SEMA3E: variants seen among roughly 807,000 people sequenced by gnomAD.
The protein encoded by SEMA3E is semaphorin-3E.
In SEMA3E, 49 loss-of-function variants were observed where a neutral mutation model predicts 93.6. That is an observed-to-expected ratio of 0.52 (90% CI 0.42 to 0.66). The LOEUF is 0.66. Ranked by LOEUF, SEMA3E falls within the 30% of genes least tolerant of loss-of-function variation. SEMA3E has a pLI of 0.00. For missense variants in SEMA3E, 906 were observed against 964.8 expected (o/e 0.94, Z 0.81); for synonymous variants, 363 against 330.7 (o/e 1.10, Z -1.06).
chr7:83,400,222 T>A lies in SEMA3E; in HGVS notation c.1172A>T (p.Tyr391Phe), dbSNP rs753965043. Residue 391 changes from tyrosine to phenylalanine, a missense_variant, in exon 11 of 17, where the codon TAC (tyrosine) becomes TTC (phenylalanine). Tyr to Phe is a conservative substitution (Grantham distance 22). Coordinates refer to ENST00000643230, the MANE Select transcript of SEMA3E (RefSeq NM_012431.3). ...ATCAGGATAGTCCTTGGTGGTTCCG[T>A]ATCTCCCTCCATTTACTTTGCTGGC... ...SCASKVNGGR[Y>F]GTTKDYPDDA... 47 of 1,613,852 alleles carry A rather than the reference T, an allele frequency of 2.9e-5. No homozygotes were observed. In the Admixed American group the frequency reaches 7.7e-4, roughly 26 times the overall value.
chr7:83,518,759 G>A (rs187104113), intron 1 of SEMA3E, among the ~76,000 whole-genome samples: 94 of 152,052 alleles, frequency 6.2e-4, no homozygotes, highest in Middle Eastern at 3.4e-3. Flanking sequence ...AGCACCTATC[G>A]GACCAGAGTC....
At chr7:83,633,515 G>A (rs989150183) in intron 1 of SEMA3E, among the ~76,000 whole-genome samples, 11 of 152,238 alleles carry the variant, frequency 7.2e-5, no homozygotes, top group Admixed American at 3.9e-4. Context: ...TAAGAGAGTC[G>A]CAGCCAGACG....
At chr7:83,608,265 A>G (rs1793169562) in intron 1 of SEMA3E, among the ~76,000 whole-genome samples, 1 of 152,092 alleles carries the variant, frequency 6.6e-6, no homozygotes, top group African/African-American at 2.4e-5. Flanking sequence ...AATGAAAAGA[A>G]AGGGAGCAAG....
At chr7:83,590,676 T>C (rs1330945343) in intron 1 of SEMA3E, among the ~76,000 whole-genome samples, 3 of 152,144 alleles carry the variant, frequency 2.0e-5, no homozygotes, top group Non-Finnish European at 4.4e-5. Flanking sequence ...AAAGAAACAG[T>C]CTTCCATTTC....
chr7:83,418,445 T>G lies in SEMA3E; in HGVS notation c.495A>C (p.Arg165Ser). Residue 165 changes from arginine (R) to serine (S), a missense_variant, in exon 5 of 17, where the codon AGA (arginine) becomes AGC (serine). Transcript: ENST00000643230. ...GGTCAAAAGGACATCTGCCCCTTCC[T>G]CTCTCAGATCTGGGTGATTCCAGGT... Reference protein sequence around the residue: ...LFHLESPRSERGRGRCPFDPS... With the variant: ...LFHLESPRSESGRGRCPFDPS... The G allele has an allele frequency of 6.2e-7, 1 of 1,611,848 alleles. No individual in the cohort carries two copies. Among genetic ancestry groups the G allele is most frequent in the Non-Finnish European group, 8.5e-7 (1 of 1,178,926 alleles).
chr7:83,419,094 T>C (rs1006974100), intron 4 of SEMA3E, among the ~76,000 whole-genome samples: 26 of 137,834 alleles, frequency 1.9e-4, no homozygotes, highest in African/African-American at 6.5e-4. Flanking sequence ...TTGCCATCTT[T>C]ATGTCTGCAT....
chr7:83,375,957 C>T (rs1351019932), intron 16 of SEMA3E, among the ~76,000 whole-genome samples: 1 of 151,744 alleles, frequency 6.6e-6, no homozygotes, highest in African/African-American at 2.4e-5. Flanking sequence ...TATTGTGCAA[C>T]TAAAAAATGA....
intron 1 of SEMA3E, among the ~76,000 whole-genome samples, chr7:83,551,004 G>GA (rs1396065032): frequency 6.6e-6 from 1 of 151,956 alleles, no homozygotes; most frequent in East Asian, 1.9e-4. Context: ...CATCAGATTG[G>GA]AAAAAAATTA....
At chr7:83,474,383 C>A (rs1789967146) in intron 2 of SEMA3E, among the ~76,000 whole-genome samples, 2 of 152,054 alleles carry the variant, frequency 1.3e-5, no homozygotes, top group South Asian at 4.1e-4. Flanking sequence ...AATATTACTT[C>A]GATGTTGTTA....
intron 1 of SEMA3E, among the ~76,000 whole-genome samples, chr7:83,573,227 G>A (rs1342807502): frequency 6.6e-6 from 1 of 151,964 alleles, no homozygotes; most frequent in South Asian, 2.1e-4. Context: ...ATTAAAAATA[G>A]ATAAAATACA....
Position 83,368,008 on chromosome 7 carries a change from C to T in SEMA3E, c.1906G>A (p.Asp636Asn). The change falls in exon 17 of 17, where the codon GAC (aspartate) becomes AAC (asparagine). Residue 636 changes from aspartate (D) to asparagine (N), a missense_variant. Asp to Asn is a conservative substitution (Grantham distance 23, BLOSUM62 1). Coordinates refer to ENST00000643230, the MANE Select transcript of SEMA3E (RefSeq NM_012431.3). Reference sequence around the variant, plus strand: ...AACCTTAGGAAGAGTAAACCAAGGTCCATCTTAACCACTCTGTCATCTGTC... The same window carrying T: ...AACCTTAGGAAGAGTAAACCAAGGTTCATCTTAACCACTCTGTCATCTGTC... ...VKTDDRVVKM[D>N]LGLLFLRLHK... 3.1e-6 allele frequency: 5 copies of T among 1,613,972 alleles called. No individual in the cohort carries two copies. The highest frequency in any genetic ancestry group is 4.2e-6 in the Non-Finnish European group (5 of 1,179,964).
intron 1 of SEMA3E, among the ~76,000 whole-genome samples, chr7:83,588,683 C>T (rs1397536560): frequency 6.6e-6 from 1 of 152,144 alleles, no homozygotes; most frequent in Non-Finnish European, 1.5e-5. Flanking sequence ...TCCTACTCAC[C>T]TTAAAATGAT....
chr7:83,426,051 A>T (rs1408346817), intron 4 of SEMA3E, among the ~76,000 whole-genome samples: 1 of 152,216 alleles, frequency 6.6e-6, no homozygotes, highest in Non-Finnish European at 1.5e-5. Flanking sequence ...CAGAATGGCT[A>T]TTATTAAAAA....
At chr7:83,635,726 A>G (rs1778397896) in intron 1 of SEMA3E, among the ~76,000 whole-genome samples, 1 of 151,924 alleles carries the variant, frequency 6.6e-6, no homozygotes, top group African/African-American at 2.4e-5. Context: ...TGGGTTGAGA[A>G]AGTCAAATAG....
At chr7:83,538,590 T>A (rs550299578) in intron 1 of SEMA3E, among the ~76,000 whole-genome samples, 65 of 152,298 alleles carry the variant, frequency 4.3e-4, no homozygotes, top group African/African-American at 1.5e-3. Context: ...AATTGTTAAA[T>A]CATTATTTTT....
At chr7:83,605,159 G>T (rs1209354441) in intron 1 of SEMA3E, among the ~76,000 whole-genome samples, 4 of 152,164 alleles carry the variant, frequency 2.6e-5, no homozygotes, top group African/African-American at 7.2e-5. Context: ...TAATGGGATT[G>T]ATGGGTCAAA....
At chr7:83,465,849 A>T (rs1789744611) in intron 4 of SEMA3E, among the ~76,000 whole-genome samples, 1 of 152,192 alleles carries the variant, frequency 6.6e-6, no homozygotes, top group African/African-American at 2.4e-5. Flanking sequence ...AATAGGTTAT[A>T]TGACTGATCT....
intron 4 of SEMA3E, among the ~76,000 whole-genome samples, chr7:83,463,176 C>G (rs1244841212): frequency 3.7e-5 from 1 of 26,890 alleles, no homozygotes; most frequent in East Asian, 0.02. Flanking sequence ...TTCTACAAAA[C>G]AACAACTCCT....
At chr7:83,602,638 C>CA (rs1275286000) in intron 1 of SEMA3E, among the ~76,000 whole-genome samples, 1 of 152,090 alleles carries the variant, frequency 6.6e-6, no homozygotes, top group Non-Finnish European at 1.5e-5. Context: ...CCATCACACC[C>CA]AGCTAATTAT....
Sources: gnomAD v4.1 joint callset for allele counts (sites outside exome capture counted in the v4.1 genomes callset) on GRCh38, gnomAD v4.1.1 for gene constraint, MANE v1.5 for transcripts, NCBI Gene and HGNC (gene_info 2026-07-23, HGNC 2026-07-21) for gene names.